GRID1: variants seen among roughly 807,000 people sequenced by gnomAD.
GRID1 encodes glutamate ionotropic receptor delta type subunit 1, also known as glutamate receptor ionotropic, delta-1.
A neutral mutation model predicts 98.0 loss-of-function variants in GRID1; 28 were observed. The observed-to-expected ratio is 0.29, with a 90% CI of 0.21 to 0.39. The LOEUF (loss-of-function observed/expected upper bound fraction) is 0.39, where lower values mean the gene tolerates loss of function less well. Ranked by LOEUF, GRID1 falls within the 10% of genes least tolerant of loss-of-function variation. The probability of loss-of-function intolerance (pLI) is 1.00; values close to 1 mark genes in which losing one functional copy is unlikely to be tolerated. For synonymous variants in GRID1, 553 were observed against 538.5 expected, an observed-to-expected ratio of 1.03 and a Z score of -0.37; for missense variants, 1,111 against 1,340.5, an observed-to-expected ratio of 0.83 and a Z score of 2.67.
intron 5 of GRID1, among the ~76,000 whole-genome samples, chr10:85,913,581 G>A (rs891851653): frequency 6.6e-6 from 1 of 152,164 alleles, no homozygotes; most frequent in Non-Finnish European, 1.5e-5. Context: ...CTTGAGGTCG[G>A]GAGTTCGAGG....
intron 4 of GRID1, among the ~76,000 whole-genome samples, chr10:86,069,602 C>T (rs111689379): frequency 1.3e-5 from 2 of 152,030 alleles, no homozygotes; most frequent in East Asian, 1.9e-4. Context: ...GAGCCGAGAT[C>T]GCACCACTGC....
intron 15 of GRID1, among the ~76,000 whole-genome samples, chr10:85,610,749 T>C (rs1339405093): frequency 1.3e-5 from 2 of 152,054 alleles, no homozygotes; most frequent in Admixed American, 6.5e-5. Context: ...CAGGTCTCTA[T>C]AGGCAGGCTT....
In GRID1 at chr10:85,706,723, T is replaced by C. The variant is rs183717315; in HGVS notation, c.1997+16280A>G. Reference sequence around the variant, plus strand: ...CTGACTTCAAACAATACTACAAGGCTACAGTCACCAAAACAGCATGGTACT... The same window carrying C: ...CTGACTTCAAACAATACTACAAGGCCACAGTCACCAAAACAGCATGGTACT... On this transcript the variant is annotated intron_variant, in intron 12 of 15. Coordinates refer to ENST00000327946, the MANE Select transcript of GRID1 (RefSeq NM_017551.3). 1.4e-3 allele frequency among the ~76,000 whole-genome samples: 213 copies of C among 152,288 alleles called. 1 individual carries two copies. The highest frequency in any genetic ancestry group is 4.9e-3 in the African/African-American group (204 of 41,562).
intron 8 of GRID1, among the ~76,000 whole-genome samples, chr10:85,750,251 C>T (rs1842033970): frequency 6.6e-6 from 1 of 151,898 alleles, no homozygotes; most frequent in Admixed American, 6.6e-5. Flanking sequence ...CAGCGCTCTC[C>T]CTCAACAAAA....
intron 3 of GRID1, among the ~76,000 whole-genome samples, chr10:86,152,958 A>G (rs1245692710): frequency 6.6e-6 from 1 of 152,182 alleles, no homozygotes; most frequent in Admixed American, 6.5e-5. Context: ...CTCGGGTTTA[A>G]TTTGTTTCCT....
intron 4 of GRID1, among the ~76,000 whole-genome samples, chr10:86,085,610 T>C (rs1844041414): frequency 6.6e-6 from 1 of 152,088 alleles, no homozygotes; most frequent in Non-Finnish European, 1.5e-5. Flanking sequence ...TTGAGTCTTC[T>C]CACAGAATGA....
At chr10:85,982,981 A>G (rs1842564371) in intron 4 of GRID1, among the ~76,000 whole-genome samples, 1 of 152,222 alleles carries the variant, frequency 6.6e-6, no homozygotes, top group African/African-American at 2.4e-5. Context: ...ACACTTTAGA[A>G]ACCTACATGG....
chr10:85,820,958 T>A (rs554197555), intron 8 of GRID1, among the ~76,000 whole-genome samples: 8 of 152,316 alleles, frequency 5.3e-5, no homozygotes, highest in African/African-American at 1.9e-4. Context: ...GAAGACATTT[T>A]TTACACAAAT....
At chr10:86,244,333 A>G in intron 2 of GRID1, among the ~76,000 whole-genome samples, 1 of 152,206 alleles carries the variant, frequency 6.6e-6, no homozygotes, top group South Asian at 2.1e-4. Flanking sequence ...ACACAGATTC[A>G]GCAGAGCCAA....
At chr10:86,208,248 C>T (rs534925481) in intron 2 of GRID1, among the ~76,000 whole-genome samples, 3 of 152,300 alleles carry the variant, frequency 2.0e-5, no homozygotes, top group East Asian at 3.9e-4. Flanking sequence ...CCAAATCCTA[C>T]GGTTCTCTCC....
chr10:86,211,054 G>C (rs774878415), intron 2 of GRID1, among the ~76,000 whole-genome samples: 1 of 152,106 alleles, frequency 6.6e-6, no homozygotes, highest in African/African-American at 2.4e-5. Flanking sequence ...ATTTCTTTCT[G>C]TCTTTCTTTC....
At chr10:85,865,930 T>TACAC (rs1490134132) in intron 6 of GRID1, among the ~76,000 whole-genome samples, 1 of 114,496 alleles carries the variant, frequency 8.7e-6, no homozygotes, top group African/African-American at 3.4e-5. Flanking sequence ...TATATATATA[T>TACAC]ATATATATAT....
rs374326968 is a variant in GRID1 at position 85,724,572 on chromosome 10, C to T, written c.1638G>A (p.Lys546=). ...YMDYSVGILI[K]KPEEKISIFS... ...AGATGCTGATTTTCTCCTCGGGCTT[C>T]TTAATTAGAATCCCCACTGAATAGT... The change falls in exon 11 of 16, where the codon AAG becomes AAA. Residue 546 remains lysine, a synonymous_variant. Coordinates refer to ENST00000327946, the MANE Select transcript of GRID1 (RefSeq NM_017551.3). 36 of 1,613,544 alleles carry T rather than the reference C, an allele frequency of 2.2e-5. No individual in the cohort carries two copies. The African/African-American group carries it at 4.5e-4, about 20-fold the overall frequency.
chr10:85,660,755 A>C (rs993520778), intron 12 of GRID1, among the ~76,000 whole-genome samples: 5 of 151,988 alleles, frequency 3.3e-5, no homozygotes, highest in Non-Finnish European at 7.4e-5. Context: ...TGGATTCTGG[A>C]CCCTGCCCAG....
intron 2 of GRID1, among the ~76,000 whole-genome samples, chr10:86,259,658 C>CTGTG (rs150403696): frequency 2.8e-4 from 42 of 150,280 alleles, no homozygotes; most frequent in East Asian, 9.7e-4. Context: ...TAACACATGT[C>CTGTG]TGTGTGTGTG....
At chr10:86,097,818 T>C (rs1048335830) in intron 4 of GRID1, among the ~76,000 whole-genome samples, 1 of 152,252 alleles carries the variant, frequency 6.6e-6, no homozygotes, top group Non-Finnish European at 1.5e-5. Flanking sequence ...TTCAACTGCA[T>C]GTGAATCTAT....
At chr10:85,884,455 G>T (rs1841083437) in intron 5 of GRID1, among the ~76,000 whole-genome samples, 1 of 152,100 alleles carries the variant, frequency 6.6e-6, no homozygotes, top group African/African-American at 2.4e-5. Flanking sequence ...ATATTAGAAA[G>T]AGGGCTATTT....
At chr10:86,144,749 C>T (rs186881255) in intron 3 of GRID1, among the ~76,000 whole-genome samples, 3 of 152,288 alleles carry the variant, frequency 2.0e-5, no homozygotes, top group Admixed American at 6.5e-5. Flanking sequence ...CACACGCTCC[C>T]GGTCACACTC....
chr10:85,833,152 C>A (rs61025496), intron 8 of GRID1, among the ~76,000 whole-genome samples: 2,449 of 152,276 alleles, frequency 0.016, 64 homozygotes, highest in African/African-American at 0.055. Context: ...TTTTCTCCTC[C>A]ACCCAGTGTC....
Sources: allele counts gnomAD v4.1 joint callset (sites outside exome capture counted in the v4.1 genomes callset), GRCh38; gene constraint gnomAD v4.1.1; transcripts MANE v1.5; gene names NCBI Gene and HGNC (gene_info 2026-07-23, HGNC 2026-07-21).